Variants in VWA8 observed in about 807,000 individuals in gnomAD.
VWA8 encodes the protein von Willebrand factor A domain containing 8, also known as von Willebrand factor A domain-containing protein 8.
In VWA8, 221 loss-of-function variants were observed where a neutral mutation model predicts 241.5. The observed-to-expected ratio is 0.91, with a 90% CI of 0.82 to 1.02. The LOEUF is 1.02. Ranked by LOEUF, VWA8 falls within the 50% of genes least tolerant of loss-of-function variation. The pLI is 0.00. For missense variants in VWA8, 2,322 were observed against 2,328.7 expected (o/e 1.00, Z 0.06); for synonymous variants, 852 against 827.1 (o/e 1.03, Z -0.52).
intron 39 of VWA8, 83 bp from the exon 40 acceptor site, chr13:41,605,359 T>A: frequency 7.7e-7 from 1 of 1,291,706 alleles, no homozygotes; most frequent in Non-Finnish European, 1.1e-6. Flanking sequence ...CTGCTGGAAC[T>A]TTAGCAAACT....
chr13:41,680,052 C>T (rs2045087684), intron 35 of VWA8, among the ~76,000 whole-genome samples: 1 of 151,990 alleles, frequency 6.6e-6, no homozygotes, highest in Admixed American at 6.6e-5. Flanking sequence ...CCCATCCCCC[C>T]AAACATTCAT....
In VWA8 at chr13:41,675,228, T is replaced by C. The variant is rs762974933; in HGVS notation, c.4396A>G (p.Ile1466Val). The change falls in exon 36 of 45, where the codon ATC (isoleucine) becomes GTC (valine). Residue 1466 changes from isoleucine to valine, a missense_variant. By Grantham distance (29) the Ile-to-Val change is conservative. Coordinates refer to ENST00000379310, the MANE Select transcript of VWA8 (RefSeq NM_015058.2). ...TDLQSKKLRY[I>V]PIPRSESLSP... is the part of the protein sequence containing the mutation. ...GAAATGGATTACCTGGGAATAGGGA[T>C]ATATCGGAGTTTCTTTGATTGAAGA... The C allele has an allele frequency of 1.2e-6, 2 of 1,611,520 alleles. No individual in the cohort carries two copies. The highest frequency in any genetic ancestry group is 1.7e-6 in the Non-Finnish European group (2 of 1,178,042).
intron 2 of VWA8, among the ~76,000 whole-genome samples, chr13:41,929,458 T>C (rs1435306491): frequency 6.6e-6 from 1 of 152,142 alleles, no homozygotes; most frequent in African/African-American, 2.4e-5. Context: ...CAGCCCTGTG[T>C]TACAAATTAT....
At chr13:41,786,922 CAGA>C in intron 18 of VWA8, among the ~76,000 whole-genome samples, 1 of 151,712 alleles carries the variant, frequency 6.6e-6, no homozygotes, top group South Asian at 2.1e-4. Context: ...TATGGCTATC[CAGA>C]AGAAAAGTAC....
Position 41,590,527 on chromosome 13 carries a change from C to T in VWA8, c.5112+113G>A, listed in dbSNP as rs114820389. 484 of 1,059,854 alleles carry T rather than the reference C, an allele frequency of 4.6e-4. 3 individuals are homozygous for T. In the African/African-American group the frequency reaches 6.4e-3, roughly 14 times the overall value. The allele number at this position is 1,059,854 out of a possible 1,614,324, so 65.7% of individuals were successfully genotyped here. On this transcript the variant is annotated intron_variant, in intron 41 of 44. Transcript: ENST00000379310. ...TTTTTTTTTTTTAACATAATGCTTT[C>T]CTTGGTTACCATATTCAGGATTTGT...
At chr13:41,931,253 T>A (rs1593878951) in intron 2 of VWA8, among the ~76,000 whole-genome samples, 1 of 111,644 alleles carries the variant, frequency 9.0e-6, no homozygotes. Flanking sequence ...GACATTATGC[T>A]AAGAGAAATA....
intron 20 of VWA8, among the ~76,000 whole-genome samples, chr13:41,763,014 T>A (rs2137908952): frequency 6.6e-6 from 1 of 152,140 alleles, no homozygotes; most frequent in South Asian, 2.1e-4. Context: ...ACACCAGTAA[T>A]CCCAGAGATT....
intron 37 of VWA8, among the ~76,000 whole-genome samples, chr13:41,638,332 A>G (rs1218754798): frequency 6.6e-6 from 1 of 152,236 alleles, no homozygotes; most frequent in Non-Finnish European, 1.5e-5. Context: ...GTAAACTCCT[A>G]CCATATCTAT....
At chr13:41,659,224 G>T (rs750092368) in intron 37 of VWA8, among the ~76,000 whole-genome samples, 7 of 152,180 alleles carry the variant, frequency 4.6e-5, no homozygotes, top group Non-Finnish European at 8.8e-5. Context: ...TCAGAAGTAT[G>T]TAAGAACGTG....
At chr13:41,891,623 C>T (rs762239154) in intron 4 of VWA8, 36 bp from the exon 5 acceptor site, 52 of 1,610,012 alleles carry the variant, frequency 3.2e-5, no homozygotes, top group Non-Finnish European at 3.9e-5. Context: ...AATGAGAATA[C>T]TGAAGTTGCA....
chr13:41,634,172 G>T (rs1028147384), intron 37 of VWA8, among the ~76,000 whole-genome samples: 4 of 152,208 alleles, frequency 2.6e-5, no homozygotes, highest in African/African-American at 9.6e-5. Context: ...TGAAGAGACT[G>T]TAGATTAACC....
chr13:41,635,366 G>A (rs1482369243), intron 37 of VWA8, among the ~76,000 whole-genome samples: 5 of 151,874 alleles, frequency 3.3e-5, no homozygotes, highest in Admixed American at 3.3e-4. Context: ...GAGATATGGG[G>A]GCAAAAAATA....
intron 37 of VWA8, among the ~76,000 whole-genome samples, chr13:41,618,716 A>T (rs1229024824): frequency 1.3e-5 from 2 of 152,094 alleles, no homozygotes; most frequent in African/African-American, 2.4e-5. Flanking sequence ...TCCCAGCACC[A>T]TTATTAAATA....
At chr13:41,923,928 A>C (rs1876692595) in intron 2 of VWA8, among the ~76,000 whole-genome samples, 1 of 152,164 alleles carries the variant, frequency 6.6e-6, no homozygotes, top group Non-Finnish European at 1.5e-5. Flanking sequence ...AGTTTGGAAG[A>C]GGTGACTGCT....
chr13:41,823,010 TA>T (rs1448734882), intron 14 of VWA8, among the ~76,000 whole-genome samples: 1 of 152,162 alleles, frequency 6.6e-6, no homozygotes, highest in Non-Finnish European at 1.5e-5. Context: ...TCCTTGACCA[TA>T]AAAATGTTCA....
chr13:41,802,223 A>G (rs1869991977), intron 17 of VWA8, among the ~76,000 whole-genome samples: 2 of 152,164 alleles, frequency 1.3e-5, no homozygotes. Context: ...GGAGAGAAAG[A>G]GCATATTGAT....
intron 27 of VWA8, among the ~76,000 whole-genome samples, 189 bp downstream of exon 27, chr13:41,703,114 G>A (rs1026997961): frequency 4.6e-5 from 7 of 152,126 alleles, no homozygotes; most frequent in African/African-American, 1.7e-4. Context: ...CATCCAATTA[G>A]CTCTTTAGAA....
chr13:41,627,765 T>C (rs1462000267), intron 37 of VWA8, among the ~76,000 whole-genome samples: 1 of 151,976 alleles, frequency 6.6e-6, no homozygotes, highest in Admixed American at 6.6e-5. Context: ...CTACCCTGCC[T>C]CCACTAGATA....
chr13:41,631,791 G>A (rs1481834540), intron 37 of VWA8, among the ~76,000 whole-genome samples: 1 of 152,144 alleles, frequency 6.6e-6, no homozygotes, highest in Non-Finnish European at 1.5e-5. Context: ...TTATCATTGT[G>A]TGTAGGTGAG....
Sources: allele counts gnomAD v4.1 joint callset (sites outside exome capture counted in the v4.1 genomes callset), GRCh38; gene constraint gnomAD v4.1.1; transcripts MANE v1.5; gene names NCBI Gene and HGNC (gene_info 2026-07-23, HGNC 2026-07-21).